CHTF8: variants seen among roughly 807,000 people sequenced by gnomAD.
The protein encoded by CHTF8 is chromosome transmission fidelity factor 8, also known as chromosome transmission fidelity protein 8 homolog.
Under a neutral mutation model 11.0 loss-of-function variants are expected in CHTF8, and 6 were observed. The observed-to-expected ratio is 0.55, with a 90% CI of 0.30 to 1.08. The LOEUF is 1.08. CHTF8 is among the 50% of genes least tolerant of loss of function. The probability of loss-of-function intolerance (pLI) is 0.07; values close to 1 mark genes in which losing one functional copy is unlikely to be tolerated. For synonymous variants in CHTF8, 53 were observed against 60.5 expected (o/e 0.88, Z 0.57); for missense variants, 140 against 153.1 (o/e 0.91, Z 0.45).
intron 1 of CHTF8, 94 bp from the exon 2 acceptor site, chr16:69,121,587 C>T: frequency 1.5e-6 from 1 of 688,056 alleles, no homozygotes; most frequent in Non-Finnish European, 2.5e-6. Context: ...AATCGATTCT[C>T]CTGCCTCAGC....
At chr16:69,131,820 G>C (rs1291402286) in intron 1 of CHTF8, among the ~76,000 whole-genome samples, 1 of 150,930 alleles carries the variant, frequency 6.6e-6, no homozygotes, top group Non-Finnish European at 1.5e-5. Flanking sequence ...ACTCCTCCAG[G>C]ACCCCACCCC....
At chr16:69,121,216 G>T in intron 2 of CHTF8, 46 bp from the exon 3 acceptor site, 1 of 1,528,050 alleles carries the variant, frequency 6.5e-7, no homozygotes, top group Non-Finnish European at 9.0e-7. Context: ...AGGGGTGAAG[G>T]ATGAATAGTG....
chr16:69,125,309 CCAT>C (rs2152269894), intron 1 of CHTF8, among the ~76,000 whole-genome samples: 1 of 152,330 alleles, frequency 6.6e-6, no homozygotes, highest in East Asian at 1.9e-4. Context: ...TCTCATTCAA[CCAT>C]CATCACAAGT....
chr16:69,132,377 C>A (rs1362016049), intron 1 of CHTF8, 107 bp downstream of exon 1: 1 of 153,258 alleles, frequency 6.5e-6, no homozygotes, highest in South Asian at 1.8e-4. Flanking sequence ...CCGCGCGCCC[C>A]GCCCGGCCCC....
intron 1 of CHTF8, among the ~76,000 whole-genome samples, chr16:69,128,376 G>C (rs1227006796): frequency 6.6e-6 from 1 of 152,124 alleles, no homozygotes; most frequent in East Asian, 1.9e-4. Context: ...TTACAGTGTG[G>C]TATCAGACTC....
At chr16:69,122,558 T>TTTTTTTGA (rs1961757045) in intron 1 of CHTF8, among the ~76,000 whole-genome samples, 1 of 147,230 alleles carries the variant, frequency 6.8e-6, no homozygotes, top group Non-Finnish European at 1.5e-5. Flanking sequence ...TTTTTTTTTT[T>TTTTTTTGA]GGGAGGGAGT....
intron 2 of CHTF8, 45 bp from the exon 3 acceptor site, chr16:69,121,215 G>C: frequency 6.5e-6 from 10 of 1,547,976 alleles, no homozygotes; most frequent in African/African-American, 1.4e-5. Context: ...GAGGGGTGAA[G>C]GATGAATAGT....
rs1470142593 is a variant in CHTF8 at position 69,119,221 on chromosome 16, G to C, written c.*1204C>G. 12 of 703,050 alleles carry C rather than the reference G, an allele frequency of 1.7e-5. 1 individual carries two copies. The highest frequency in any genetic ancestry group is 1.5e-4 in the South Asian group (10 of 67,582). The allele number at this position is 703,050 out of a possible 1,614,324, so 43.6% of individuals were successfully genotyped here. A position where few individuals can be genotyped will look rare whatever the true frequency, so the allele number is the denominator to read the frequency against. ...AGCTGGGTTGGGGCCAAGTGGCCCA[G>C]AGGCTCTTGGGAAAATGGTTGGATT... On this transcript the variant is annotated 3_prime_UTR_variant, in exon 4 of 4. Transcript: ENST00000448552.
rs1961553041 is a variant in CHTF8, at chr16:69,120,376, G to T, written c.*49C>A. ...GAGCCGTCCTCGAGGTGGCAGCGGA[G>T]CACGAGTCCAAGGAGTTGGCCGCTC... On this transcript the variant is annotated 3_prime_UTR_variant, in exon 4 of 4. Transcript: ENST00000448552. This position sits in a 1 kb window ranked among gnomAD's most constrained non-coding sequence, Gnocchi z 4.0. 3 of 1,580,614 alleles carry T rather than the reference G, an allele frequency of 1.9e-6. No individual in the cohort carries two copies. In the Admixed American group the frequency reaches 5.0e-5, roughly 26 times the overall value.
At chr16:69,128,329 G>A (rs1409312237) in intron 1 of CHTF8, among the ~76,000 whole-genome samples, 2 of 152,188 alleles carry the variant, frequency 1.3e-5, no homozygotes, top group African/African-American at 2.4e-5. Context: ...AGAGACTTCT[G>A]TGATGTAGCT....
At position 69,120,616 on chromosome 16, in the gene CHTF8, G is replaced by C. The variant is rs1314625881; in HGVS notation, c.175C>G (p.Leu59Val). 1 of 1,613,172 alleles carries C rather than the reference G, an allele frequency of 6.2e-7. No individual in the cohort carries two copies. The highest frequency in any genetic ancestry group is 8.5e-7 in the Non-Finnish European group (1 of 1,179,194). Reference sequence around the variant, plus strand: ...TCCAGGTGGATGATTTTCCCATACAGGATATGATGCCCCACGATCAGCACA... The same window carrying C: ...TCCAGGTGGATGATTTTCCCATACACGATATGATGCCCCACGATCAGCACA... ...IPVLIVGHHI[L>V]YGKIIHLEKP... The change falls in exon 4 of 4, where the codon CTG (leucine) becomes GTG (valine). Residue 59 changes from leucine (L) to valine (V), a missense_variant. Coordinates refer to ENST00000448552, the MANE Select transcript of CHTF8 (RefSeq NM_001039690.5). The surrounding 1 kb of genome is among the most constrained non-coding windows in gnomAD (Gnocchi z 4.0).
At chr16:69,124,659 G>C (rs1961929747) in intron 1 of CHTF8, among the ~76,000 whole-genome samples, 1 of 151,982 alleles carries the variant, frequency 6.6e-6, no homozygotes, top group Admixed American at 6.6e-5. Context: ...ACAGGAGTGA[G>C]CCACCACCCC....
At chr16:69,128,150 T>G (rs1962219504) in intron 1 of CHTF8, among the ~76,000 whole-genome samples, 1 of 151,910 alleles carries the variant, frequency 6.6e-6, no homozygotes, top group African/African-American at 2.4e-5. Flanking sequence ...CCTGACCTCA[T>G]GATCCACCCG....
intron 1 of CHTF8, among the ~76,000 whole-genome samples, chr16:69,124,915 T>A (rs1351150632): frequency 2.0e-5 from 3 of 151,008 alleles, no homozygotes; most frequent in Non-Finnish European, 4.4e-5. Flanking sequence ...CTCACTAGAC[T>A]TTTTTTGAGA....
At position 69,120,419 on chromosome 16, in the gene CHTF8, G is replaced by T. The variant is rs1397606378; in HGVS notation, c.*6C>A. ...GGCCGCTCTCTAGGGAAAATCCGAG[G>T]TTCTTTCATACTTTCTTGGGGACGC... On this transcript the variant is annotated 3_prime_UTR_variant, in exon 4 of 4. Transcript: ENST00000448552. This position sits in a 1 kb window ranked among gnomAD's most constrained non-coding sequence, Gnocchi z 4.0. The T allele has an allele frequency of 2.5e-6, 4 of 1,613,958 alleles. No individual in the cohort carries two copies. In the African/African-American group the frequency reaches 5.3e-5, roughly 22 times the overall value.
intron 1 of CHTF8, among the ~76,000 whole-genome samples, chr16:69,123,943 A>AC (rs891575183): frequency 3.8e-5 from 3 of 78,844 alleles, no homozygotes; most frequent in African/African-American, 8.6e-5. Context: ...AAAAAAAAAA[A>AC]AAAACAAAAA....
chr16:69,121,570 C>T (rs1207881971), intron 1 of CHTF8, 77 bp from the exon 2 acceptor site: 39 of 818,402 alleles, frequency 4.8e-5, no homozygotes, highest in Non-Finnish European at 7.0e-5. Context: ...CTCCACCTCC[C>T]GGGTTCAATC....
At chr16:69,123,944 A>C (rs1453519878) in intron 1 of CHTF8, among the ~76,000 whole-genome samples, 7 of 150,822 alleles carry the variant, frequency 4.6e-5, no homozygotes, top group South Asian at 2.1e-4. Flanking sequence ...AAAAAAAAAA[A>C]AAACAAAAAA....
intron 1 of CHTF8, 148 bp downstream of exon 1, chr16:69,132,336 C>T (rs1962609254): frequency 6.7e-6 from 1 of 148,354 alleles, no homozygotes; most frequent in South Asian, 2.0e-4. Context: ...CCGCGCTCCC[C>T]GCCCCTCGGC....
Sources: gnomAD v4.1 joint callset for allele counts (sites outside exome capture counted in the v4.1 genomes callset) on GRCh38, gnomAD v4.1.1 for gene constraint, Gnocchi (gnomAD v3.1) non-coding constraint, MANE v1.5 for transcripts, NCBI Gene and HGNC (gene_info 2026-07-23, HGNC 2026-07-21) for gene names.